The following ZNF599 variants were observed in gnomAD, a reference collection of about 807,000 sequenced individuals.
ZNF599 encodes zinc finger protein 599.
ZNF599 carries 10 observed loss-of-function variants against 11.7 expected under a neutral mutation model. That is an observed-to-expected ratio of 0.86 (90% CI 0.53 to 1.45). ZNF599 has a LOEUF of 1.45. ZNF599 is among the 40% of genes most tolerant of loss of function. The pLI is 0.00. For missense variants in ZNF599, 688 were observed against 713.6 expected, an observed-to-expected ratio of 0.96 and a Z score of 0.41; for synonymous variants, 232 against 253.2, an observed-to-expected ratio of 0.92 and a Z score of 0.79.
chr19:34,758,945 C>T lies in ZNF599; in HGVS notation c.*89G>A, dbSNP rs2145446456. Reference sequence around the variant, plus strand: ...GACATCTCTCTGGCCAAAATATTTCCCTCAATAGTTATACTCAAAAGGAAA... The same window carrying T: ...GACATCTCTCTGGCCAAAATATTTCTCTCAATAGTTATACTCAAAAGGAAA... On this transcript the variant is annotated 3_prime_UTR_variant, in exon 4 of 4. Transcript: ENST00000329285. The T allele has an allele frequency of 7.4e-7, 1 of 1,359,286 alleles. No individual in the cohort carries two copies. Among genetic ancestry groups the T allele is most frequent in the Non-Finnish European group, 1.0e-6 (1 of 993,272 alleles). The allele number at this position is 1,359,286 out of a possible 1,614,324, so 84.2% of individuals were successfully genotyped here.
chr19:34,768,059 C>G (rs1367633907), intron 2 of ZNF599, among the ~76,000 whole-genome samples: 1 of 152,212 alleles, frequency 6.6e-6, no homozygotes, highest in Non-Finnish European at 1.5e-5. Flanking sequence ...ATGACTGAGG[C>G]ACCAGGACCC....
chr19:34,758,842 T>C lies in ZNF599; in HGVS notation c.*192A>G, dbSNP rs751351852. 8.1e-5 allele frequency: 48 copies of C among 593,250 alleles called. No homozygotes were observed. Among genetic ancestry groups the C allele is most frequent in the Non-Finnish European group, 1.4e-4 (47 of 343,692 alleles). The allele number at this position is 593,250 out of a possible 1,614,324, so 36.7% of individuals were successfully genotyped here. On this transcript the variant is annotated 3_prime_UTR_variant, in exon 4 of 4. Transcript: ENST00000329285. ...TGAATCTTTAATATAATTCTTTGGATGACAAGTGATTACCTGCCATAAAAA... is the reference window on the plus strand; with the variant it reads ...TGAATCTTTAATATAATTCTTTGGACGACAAGTGATTACCTGCCATAAAAA...
the ZNF599 span, among the ~76,000 whole-genome samples, chr19:34,789,067 T>G: frequency 6.6e-6 from 1 of 152,324 alleles, no homozygotes; most frequent in Middle Eastern, 3.4e-3. Context: ...AAATTTTGTA[T>G]CCTTTGAGCA....
At chr19:34,760,586 CTG>C in intron 3 of ZNF599, 27 bp from the exon 4 acceptor site, 6 of 1,557,602 alleles carry the variant, frequency 3.9e-6, no homozygotes, top group African/African-American at 1.4e-5. Context: ...ATAAAAAAAA[CTG>C]AACATTAGTG....
chr19:34,803,559 C>T, the ZNF599 span, among the ~76,000 whole-genome samples: 9 of 152,194 alleles, frequency 5.9e-5, no homozygotes, highest in Non-Finnish European at 1.2e-4. Context: ...ATAAATCCAC[C>T]CCATATTCAT....
In ZNF599 at chr19:34,759,661, T is replaced by C. The variant is rs183805307; in HGVS notation, c.1140A>G (p.Ser380=). ...KECGKTFCLN[S]SFTQHMRIHT... is the part of the protein sequence containing the mutation. The stretch of plus-strand genomic sequence containing the variant: ...GAATCCTCATGTGCTGAGTGAAGGA[T>C]GAGTTGAGGCAAAAGGTTTTTCCAC... The change falls in exon 4 of 4, where the codon TCA becomes TCG. Residue 380 remains serine, a synonymous_variant. Transcript: ENST00000329285. The C allele has an allele frequency of 5.6e-6, 9 of 1,613,778 alleles. No homozygotes were observed. The East Asian group carries it at 2.0e-4, about 36-fold the overall frequency.
At chr19:34,777,951 C>T (rs554147061), upstream of ZNF599, among the ~76,000 whole-genome samples, 3 of 151,676 alleles carry the variant, frequency 2.0e-5, no homozygotes, top group East Asian at 5.8e-4. Context: ...GTTAAGAGAG[C>T]AGATGTCAAG....
At chr19:34,767,695 T>C (rs1255809327) in intron 2 of ZNF599, among the ~76,000 whole-genome samples, 1 of 152,156 alleles carries the variant, frequency 6.6e-6, no homozygotes, top group Non-Finnish European at 1.5e-5. Context: ...CCCCAGGTGA[T>C]TTTGGTGCCC....
chr19:34,761,041 G>T (rs969169808), intron 3 of ZNF599, among the ~76,000 whole-genome samples: 1 of 152,102 alleles, frequency 6.6e-6, no homozygotes, highest in African/African-American at 2.4e-5. Context: ...GGAATTAGGA[G>T]GGAAACTTCG....
chr19:34,758,720 G>A lies in ZNF599; in HGVS notation c.*314C>T. The stretch of plus-strand genomic sequence containing the variant: ...TGAGATGGATTTATAGTATTAATAA[G>A]AGGAAAGTTGTTCCTGACATTTTAC... On this transcript the variant is annotated 3_prime_UTR_variant, in exon 4 of 4. Coordinates refer to ENST00000329285, the MANE Select transcript of ZNF599 (RefSeq NM_001007248.3). The A allele has an allele frequency of 4.3e-6, 1 of 233,512 alleles. No individual in the cohort carries two copies. Among genetic ancestry groups the A allele is most frequent in the Non-Finnish European group, 8.3e-6 (1 of 120,188 alleles). 14.5% of individuals were successfully genotyped at this position (233,512 alleles called of 1,614,324 possible). A position where few individuals can be genotyped will look rare whatever the true frequency, so the allele number is the denominator to read the frequency against.
chr19:34,765,309 A>T lies in ZNF599; in HGVS notation c.241+2007T>A, dbSNP rs1452892705. The T allele has an allele frequency of 6.5e-6, 3 of 464,242 alleles. No homozygotes were observed. In the East Asian group the frequency reaches 1.1e-4, roughly 16 times the overall value. 28.8% of individuals were successfully genotyped at this position (464,242 alleles called of 1,614,324 possible). A position where few individuals can be genotyped will look rare whatever the true frequency, so the allele number is the denominator to read the frequency against. On this transcript the variant is annotated intron_variant, in intron 3 of 3. Coordinates refer to ENST00000329285, the MANE Select transcript of ZNF599 (RefSeq NM_001007248.3). ...GCAAAGATGATGGAATGTACATGAT[A>T]AAATATATGTAATTTTATAAGACTG... is the stretch of plus-strand genomic sequence containing the variant.
chr19:34,788,519 A>C, the ZNF599 span: 1 of 152,166 alleles, frequency 6.6e-6, no homozygotes, highest in Non-Finnish European at 1.5e-5. Context: ...AGCATAAAGC[A>C]AAATGACTTC....
At chr19:34,799,755 C>A in the ZNF599 span, among the ~76,000 whole-genome samples, 1 of 152,210 alleles carries the variant, frequency 6.6e-6, no homozygotes, top group East Asian at 1.9e-4. Flanking sequence ...CCCACAGAAC[C>A]ATGTGAAGTC....
intron 2 of ZNF599, among the ~76,000 whole-genome samples, chr19:34,768,656 T>G (rs1010118049): frequency 6.6e-6 from 1 of 152,202 alleles, no homozygotes. Flanking sequence ...CAGGTTACTA[T>G]AAAAATGGCA....
the ZNF599 span, among the ~76,000 whole-genome samples, chr19:34,785,190 C>G: frequency 1.3e-5 from 2 of 152,234 alleles, no homozygotes; most frequent in East Asian, 3.9e-4. Flanking sequence ...AACCTGGGGT[C>G]ACCTAACCTC....
upstream of ZNF599, among the ~76,000 whole-genome samples, chr19:34,776,942 G>A (rs1370370313): frequency 6.6e-6 from 1 of 152,044 alleles, no homozygotes; most frequent in Non-Finnish European, 1.5e-5. Context: ...ATGGAAAGGG[G>A]TAGTAACAGC....
At chr19:34,802,062 A>G in the ZNF599 span, among the ~76,000 whole-genome samples, 62 of 152,352 alleles carry the variant, frequency 4.1e-4, no homozygotes, top group Non-Finnish European at 7.9e-4. Context: ...GGCTGAGAAG[A>G]TGCTTCCTCA....
chr19:34,768,987 A>G (rs1237628824), intron 2 of ZNF599, among the ~76,000 whole-genome samples: 1 of 152,232 alleles, frequency 6.6e-6, no homozygotes, highest in Non-Finnish European at 1.5e-5. Flanking sequence ...CTAGGAGCCA[A>G]AGAGACCTTT....
chr19:34,794,021 C>G, the ZNF599 span, among the ~76,000 whole-genome samples: 1 of 152,158 alleles, frequency 6.6e-6, no homozygotes, highest in East Asian at 1.9e-4. Flanking sequence ...CTAGGGAGGC[C>G]TGACAATCAT....
Sources: allele counts gnomAD v4.1 joint callset (sites outside exome capture counted in the v4.1 genomes callset), GRCh38; gene constraint gnomAD v4.1.1; transcripts MANE v1.5; gene names NCBI Gene and HGNC (gene_info 2026-07-23, HGNC 2026-07-21).